The following RPH3A variants were observed in gnomAD, a reference collection of about 807,000 sequenced individuals.
RPH3A encodes rabphilin-3A.
In RPH3A, 48 loss-of-function variants were observed where a neutral mutation model predicts 102.2. That is an observed-to-expected ratio of 0.47 (90% CI 0.37 to 0.60). The LOEUF (loss-of-function observed/expected upper bound fraction) is 0.60, where lower values mean the gene tolerates loss of function less well. RPH3A is among the 20% of genes least tolerant of loss of function. The pLI is 0.00. For synonymous variants in RPH3A, 310 were observed against 324.3 expected, an observed-to-expected ratio of 0.96 and a Z score of 0.47; for missense variants, 781 against 910.1, an observed-to-expected ratio of 0.86 and a Z score of 1.83.
chr12:112,848,230 A>C (rs945358315), intron 5 of RPH3A, among the ~76,000 whole-genome samples: 2 of 152,094 alleles, frequency 1.3e-5, no homozygotes, highest in Non-Finnish European at 2.9e-5. Flanking sequence ...CTGCATAGGG[A>C]TGTGTTCTGG....
intron 19 of RPH3A, 79 bp from the exon 20 acceptor site, chr12:112,894,499 A>G: frequency 1.6e-6 from 2 of 1,250,594 alleles, no homozygotes; most frequent in South Asian, 2.6e-5. Context: ...CACCCTGATA[A>G]AGAAGGGGCC....
intron 4 of RPH3A, among the ~76,000 whole-genome samples, chr12:112,845,402 C>T (rs1445239354): frequency 6.6e-6 from 1 of 152,198 alleles, no homozygotes; most frequent in Non-Finnish European, 1.5e-5. Context: ...TTAAGGGGCC[C>T]TCTTCAAGAT....
intron 13 of RPH3A, 94 bp from the exon 14 acceptor site, chr12:112,879,025 C>A (rs1184091890): frequency 7.0e-6 from 8 of 1,135,002 alleles, no homozygotes; most frequent in Non-Finnish European, 7.8e-6. Flanking sequence ...GGTCTCAATT[C>A]ACAGCCCAGC....
At chr12:112,876,600 C>A in intron 12 of RPH3A, 42 bp from the exon 13 acceptor site, 1 of 1,399,858 alleles carries the variant, frequency 7.1e-7, no homozygotes, top group Non-Finnish European at 9.7e-7. Context: ...TGTTATGAAA[C>A]AGGGATGCAG....
At chr12:112,635,759 G>A (rs1386083113) in intron 1 of RPH3A, among the ~76,000 whole-genome samples, 1 of 152,178 alleles carries the variant, frequency 6.6e-6, no homozygotes, top group Admixed American at 6.5e-5. Context: ...CTGAACACTG[G>A]AAAAGTAAGG....
chr12:112,622,308 GA>G (rs1336565349), intron 1 of RPH3A, among the ~76,000 whole-genome samples: 1 of 64,842 alleles, frequency 1.5e-5, no homozygotes, highest in African/African-American at 1.6e-4. Context: ...TGAAAACTTT[GA>G]AAAAAATTTA....
intron 1 of RPH3A, among the ~76,000 whole-genome samples, chr12:112,707,365 T>A (rs1416619195): frequency 6.6e-6 from 1 of 152,208 alleles, no homozygotes; most frequent in African/African-American, 2.4e-5. Flanking sequence ...TTTAGATACA[T>A]TCTGCCATTG....
chr12:112,701,955 T>C (rs2040397745), intron 1 of RPH3A, among the ~76,000 whole-genome samples: 1 of 152,246 alleles, frequency 6.6e-6, no homozygotes, highest in Non-Finnish European at 1.5e-5. Context: ...TAAGCTTTCC[T>C]TCCCCATCAC....
intron 1 of RPH3A, among the ~76,000 whole-genome samples, chr12:112,630,914 G>A (rs1592916455): frequency 6.6e-6 from 1 of 152,160 alleles, no homozygotes; most frequent in Non-Finnish European, 1.5e-5. Context: ...AAGTCCCTGG[G>A]GTGGGAGATG....
chr12:112,582,976 A>G (rs922748675), intron 1 of RPH3A, among the ~76,000 whole-genome samples: 1 of 152,162 alleles, frequency 6.6e-6, no homozygotes, highest in Non-Finnish European at 1.5e-5. Context: ...AAACATGGAT[A>G]AATGCCCCAG....
rs375797168 is a variant in RPH3A at position 112,803,413 on chromosome 12, G to A, written c.-19+11150G>A. On this transcript the variant is annotated intron_variant, in intron 2 of 21. Coordinates refer to ENST00000389385, the MANE Select transcript of RPH3A (RefSeq NM_001143854.2). ...GCTTCTTCATGGAGTCACAGAGCAC[G>A]CTGTGTAGGCTGCCCTGCCCTTTGG... 6.6e-5 allele frequency among the ~76,000 whole-genome samples: 10 copies of A among 152,072 alleles called. No individual in the cohort carries two copies. In the East Asian group the frequency reaches 7.8e-4, roughly 12 times the overall value.
intron 1 of RPH3A, among the ~76,000 whole-genome samples, chr12:112,679,721 C>T (rs558003109): frequency 1.3e-5 from 2 of 152,334 alleles, no homozygotes; most frequent in Admixed American, 6.5e-5. Context: ...CCACCACACC[C>T]GGCCTACTTA....
chr12:112,838,913 G>C (rs1032501487), intron 4 of RPH3A, among the ~76,000 whole-genome samples: 3 of 152,106 alleles, frequency 2.0e-5, no homozygotes, highest in African/African-American at 7.2e-5. Context: ...TTGGTGGGTG[G>C]CTTCATTCTG....
intron 16 of RPH3A, among the ~76,000 whole-genome samples, chr12:112,884,345 T>C (rs1327189504): frequency 1.3e-5 from 2 of 152,220 alleles, no homozygotes; most frequent in Non-Finnish European, 2.9e-5. Context: ...TCCCACCCTG[T>C]CCTGTCCTCT....
chr12:112,652,443 C>T (rs1326675356), intron 1 of RPH3A, among the ~76,000 whole-genome samples: 1 of 152,144 alleles, frequency 6.6e-6, no homozygotes, highest in Non-Finnish European at 1.5e-5. Context: ...ATATTCCAGC[C>T]TGGGTGACAG....
In RPH3A at chr12:112,582,643, G is replaced by A. The variant is rs988651997; in HGVS notation, c.-140+7324G>A. 6.5e-5 allele frequency among the ~76,000 whole-genome samples: 5 copies of A among 77,436 alleles called. 1 individual carries two copies. Among genetic ancestry groups the A allele is most frequent in the Non-Finnish European group, 1.3e-4 (5 of 38,540 alleles). The allele number at this position is 77,436 out of a possible 152,430, so 50.8% of individuals were successfully genotyped here. Reference sequence around the variant, plus strand: ...TTTTTTTTTTTTTTTGGTATTTTTTGTAGAGATGGGGTTTCACTATGTTGC... The same window carrying A: ...TTTTTTTTTTTTTTTGGTATTTTTTATAGAGATGGGGTTTCACTATGTTGC... On this transcript the variant is annotated intron_variant, in intron 1 of 21. Coordinates refer to the RPH3A transcript ENST00000543106.
intron 1 of RPH3A, among the ~76,000 whole-genome samples, chr12:112,646,653 G>C (rs114842973): frequency 1.6e-3 from 245 of 152,282 alleles, no homozygotes; most frequent in Middle Eastern, 0.01. Context: ...ACAGTTTCCT[G>C]TCTACTAGCT....
chr12:112,590,625 G>A (rs67436553), intron 1 of RPH3A, among the ~76,000 whole-genome samples: 9,070 of 152,246 alleles, frequency 0.06, 449 homozygotes, highest in South Asian at 0.22. Context: ...CCTTAGGACC[G>A]CTGGATGAAT....
intron 2 of RPH3A, among the ~76,000 whole-genome samples, chr12:112,796,773 G>A (rs921470151): frequency 7.2e-5 from 11 of 152,196 alleles, no homozygotes; most frequent in Admixed American, 3.9e-4. Context: ...GTCCTGGCCC[G>A]GTGGGGTGGT....
Sources: allele counts gnomAD v4.1 joint callset (sites outside exome capture counted in the v4.1 genomes callset), GRCh38; gene constraint gnomAD v4.1.1; transcripts MANE v1.5; gene names NCBI Gene and HGNC (gene_info 2026-07-23, HGNC 2026-07-21).